The following WHRN variants were observed in gnomAD, a reference collection of about 807,000 sequenced individuals.
WHRN encodes the protein CASK-interacting protein CIP98.
A neutral mutation model predicts 68.3 loss-of-function variants in WHRN; 41 were observed. The observed-to-expected ratio is 0.60, with a 90% CI of 0.47 to 0.78. The LOEUF is 0.78. Among genes scored for constraint, WHRN ranks in the 30% least tolerant of loss-of-function variants. WHRN has a pLI of 0.00. For missense variants in WHRN, 1,243 were observed against 1,244.7 expected (o/e 1.00, Z 0.02); for synonymous variants, 560 against 561.3 (o/e 1.00, Z 0.03).
intron 1 of WHRN, among the ~76,000 whole-genome samples, chr9:114,485,624 G>A (rs766911244): frequency 2.6e-5 from 4 of 152,018 alleles, no homozygotes; most frequent in Non-Finnish European, 2.9e-5. Flanking sequence ...CCCAGGAGGC[G>A]GAGGTTACCA....
intron 1 of WHRN, among the ~76,000 whole-genome samples, chr9:114,497,622 T>TA (rs1843575343): frequency 6.6e-6 from 1 of 152,180 alleles, no homozygotes; most frequent in Non-Finnish European, 1.5e-5. Flanking sequence ...TAAATAATTC[T>TA]ATTTTGGAAT....
intron 3 of WHRN, among the ~76,000 whole-genome samples, chr9:114,459,047 C>T (rs1840033843): frequency 6.6e-6 from 1 of 152,186 alleles, no homozygotes. Flanking sequence ...GATCTGGCTC[C>T]AGAACCTCCC....
rs57258861 is a variant in WHRN at position 114,505,115 on chromosome 9, G to A, written c.-314C>T. On this transcript the variant is annotated 5_prime_UTR_variant, in exon 1 of 12. Coordinates refer to ENST00000362057, the MANE Select transcript of WHRN (RefSeq NM_015404.4). ...GGCGGAGACTGCTGCTGGAGTCCGG[G>A]GGGCGCGGGGTCAGCAGCTACATTC... 527 of 322,006 alleles carry A rather than the reference G, an allele frequency of 1.6e-3. 3 individuals carry two copies. The East Asian group carries it at 0.027, about 17-fold the overall frequency. The allele number at this position is 322,006 out of a possible 1,614,324, so 19.9% of individuals were successfully genotyped here.
At chr9:114,424,941 CAG>C in intron 5 of WHRN, 45 bp downstream of exon 5, 5 of 1,594,556 alleles carry the variant, frequency 3.1e-6, no homozygotes, top group Non-Finnish European at 3.4e-6. Flanking sequence ...CCTCCTCACT[CAG>C]GGAGCTGTGA....
intron 10 of WHRN, 42 bp downstream of exon 10, chr9:114,403,854 G>C (rs914515606): frequency 6.2e-7 from 1 of 1,605,318 alleles, no homozygotes; most frequent in Non-Finnish European, 8.5e-7. Flanking sequence ...CCTGGGGCCC[G>C]TGTTCCTCTC....
chr9:114,403,927 T>A lies in WHRN; in HGVS notation c.2387A>T (p.Asn796Ile). 6.2e-7 allele frequency: 1 copy of A among 1,611,036 alleles called. No individual in the cohort carries two copies. The highest frequency in any genetic ancestry group is 1.3e-5 in the African/African-American group (1 of 75,030). The change falls in exon 10 of 12, where the codon AAC becomes ATC. Residue 796 changes from asparagine (N) to isoleucine (I), a missense_variant. By Grantham distance (149) the Asn-to-Ile change is moderately radical. Coordinates refer to ENST00000362057, the MANE Select transcript of WHRN (RefSeq NM_015404.4). The stretch of plus-strand genomic sequence containing the variant: ...GTTGGCCCCATCTGTGGGCCTCTCG[T>A]TCCGAGGCAGCTCCTTGCTACTCCT... The part of the protein sequence containing the change: ...KSRSSKELPR[N>I]ERPTDGANKP...
intron 3 of WHRN, among the ~76,000 whole-genome samples, chr9:114,441,257 G>T (rs1380857012): frequency 4.0e-5 from 6 of 151,708 alleles, no homozygotes; most frequent in African/African-American, 1.5e-4. Context: ...GCTATCAATA[G>T]TTAAGTTTTT....
In WHRN at chr9:114,406,781, TC is replaced by T; in HGVS notation, c.1809del (p.Arg604GlufsTer86). On this transcript the variant is annotated frameshift_variant, in exon 9 of 12. Coordinates refer to ENST00000362057, the MANE Select transcript of WHRN (RefSeq NM_015404.4). LOFTEE classifies it high-confidence loss of function. Reference protein sequence around the residue: ...DLPLGQPRKLGREDLQPPSSM... With the variant: ...DLPLGQPRKLXREDLQPPSSM... ...GAGGAAGGTGGCTGGAGGTCCTCTC[TC>T]CCCAGCTTCCTTGGCTGGCCTAGTG... 3 of 1,613,922 alleles carry T rather than the reference TC, an allele frequency of 1.9e-6. No individual in the cohort carries two copies. The highest frequency in any genetic ancestry group is 2.5e-6 in the Non-Finnish European group (3 of 1,179,906).
intron 1 of WHRN, chr9:114,503,313 C>A: frequency 1.8e-6 from 1 of 565,938 alleles, no homozygotes; most frequent in Non-Finnish European, 2.2e-6. Context: ...AAACTCTTCA[C>A]TTCTTGTACG....
rs574133094 is a variant in WHRN, at chr9:114,403,132, A to G, written c.2541+85T>C. 2.5e-5 allele frequency: 40 copies of G among 1,597,874 alleles called. No individual in the cohort carries two copies. The African/African-American group carries it at 4.2e-4, about 17-fold the overall frequency. The stretch of plus-strand genomic sequence containing the variant: ...TCTGCCCTTGAGTGCCGTGTTACCC[A>G]TGGGAGTCGCAAAACCCTGGAGATG... On this transcript the variant is annotated intron_variant, in intron 11 of 11. Coordinates refer to ENST00000362057, the MANE Select transcript of WHRN (RefSeq NM_015404.4).
chr9:114,460,909 C>T (rs1840193854), intron 3 of WHRN, among the ~76,000 whole-genome samples: 1 of 152,238 alleles, frequency 6.6e-6, no homozygotes, highest in South Asian at 2.1e-4. Flanking sequence ...ATGCCTAATT[C>T]CACTGAAAGT....
intron 2 of WHRN, among the ~76,000 whole-genome samples, chr9:114,467,656 G>A (rs1458829998): frequency 1.3e-5 from 2 of 152,170 alleles, no homozygotes; most frequent in Admixed American, 6.5e-5. Flanking sequence ...ACAAGGACAC[G>A]CAAGGGGTGG....
intron 7 of WHRN, among the ~76,000 whole-genome samples, chr9:114,413,809 C>T (rs542192028): frequency 6.6e-6 from 1 of 152,314 alleles, no homozygotes; most frequent in Admixed American, 6.5e-5. Context: ...GAAGCTTCTG[C>T]ATGAAGCCTT....
chr9:114,441,835 C>A (rs1182385466), intron 3 of WHRN, among the ~76,000 whole-genome samples: 1 of 152,130 alleles, frequency 6.6e-6, no homozygotes, highest in Non-Finnish European at 1.5e-5. Context: ...TAAATTTTGA[C>A]ACAGAACAGA....
At chr9:114,487,775 G>A (rs1455195683) in intron 1 of WHRN, among the ~76,000 whole-genome samples, 1 of 152,160 alleles carries the variant, frequency 6.6e-6, no homozygotes, top group East Asian at 1.9e-4. Flanking sequence ...TACCTGCAGG[G>A]GGAAGCACTA....
chr9:114,468,940 G>A (rs1840952220), intron 2 of WHRN, among the ~76,000 whole-genome samples: 1 of 152,186 alleles, frequency 6.6e-6, no homozygotes, highest in South Asian at 2.1e-4. Context: ...CCACATGGTG[G>A]TTAATGCATG....
chr9:114,423,887 CT>C (rs1836550700), intron 6 of WHRN, among the ~76,000 whole-genome samples: 1 of 152,202 alleles, frequency 6.6e-6, no homozygotes, highest in African/African-American at 2.4e-5. Flanking sequence ...AACATAACCC[CT>C]CCCAGTGGAT....
rs2296262 is a variant in WHRN at position 114,503,126 on chromosome 9, C to T, written c.618+1058G>A. The T allele has an allele frequency of 0.36, 350,702 of 984,600 alleles. 63,714 individuals are homozygous for T. Among genetic ancestry groups the T allele is most frequent in the Non-Finnish European group, 0.37 (307,310 of 829,288 alleles). 61.0% of individuals were successfully genotyped at this position (984,600 alleles called of 1,614,324 possible). A position where few individuals can be genotyped will look rare whatever the true frequency, so the allele number is the denominator to read the frequency against. On this transcript the variant is annotated intron_variant, in intron 1 of 11. Transcript: ENST00000362057. ...ACTCACCTGGACACAGGCCACTGAACGGCACTCAGGAGGAAGTAGTCGTGG... is the reference window on the plus strand; with the variant it reads ...ACTCACCTGGACACAGGCCACTGAATGGCACTCAGGAGGAAGTAGTCGTGG...
intron 9 of WHRN, among the ~76,000 whole-genome samples, chr9:114,406,122 T>C (rs1835004718): frequency 6.6e-6 from 1 of 152,264 alleles, no homozygotes; most frequent in African/African-American, 2.4e-5. Context: ...GTCACTGTTA[T>C]CTCCATTTTA....
Sources: gnomAD v4.1 joint callset for allele counts (sites outside exome capture counted in the v4.1 genomes callset) on GRCh38, gnomAD v4.1.1 for gene constraint, MANE v1.5 for transcripts, NCBI Gene and HGNC (gene_info 2026-07-23, HGNC 2026-07-21) for gene names.